PCNX2: variants seen among roughly 807,000 people sequenced by gnomAD.
The protein encoded by PCNX2 is pecanex 2.
PCNX2 carries 168 observed loss-of-function variants against 223.8 expected under a neutral mutation model. The ratio of observed to expected loss-of-function variants is 0.75; its 90% CI spans 0.66 to 0.85. The LOEUF (loss-of-function observed/expected upper bound fraction) is 0.85. Among genes scored for constraint, PCNX2 ranks in the 40% least tolerant of loss-of-function variants. The pLI, the probability that PCNX2 is intolerant of heterozygous loss-of-function variation, is 0.00. For missense variants in PCNX2, 2,507 were observed against 2,675.5 expected (o/e 0.94, Z 1.39); for synonymous variants, 1,006 against 1,052.6 (o/e 0.96, Z 0.86).
chr1:233,309,774 C>A, the PCNX2 span, among the ~76,000 whole-genome samples: 1 of 151,134 alleles, frequency 6.6e-6, no homozygotes, highest in Non-Finnish European at 1.5e-5. Flanking sequence ...GCTACTCAGG[C>A]GGCTGAGGTG....
At chr1:233,015,583 C>T (rs999932286) in intron 27 of PCNX2, among the ~76,000 whole-genome samples, 4 of 152,086 alleles carry the variant, frequency 2.6e-5, no homozygotes, top group Admixed American at 1.3e-4. Flanking sequence ...CCTCCAGCTA[C>T]CCAGGAGGCT....
At chr1:233,105,551 T>C (rs982558281) in intron 21 of PCNX2, among the ~76,000 whole-genome samples, 1 of 152,110 alleles carries the variant, frequency 6.6e-6, no homozygotes, top group Non-Finnish European at 1.5e-5. Context: ...GAGACTAAAA[T>C]ATAAGGAGAG....
At chr1:233,233,699 TC>T (rs1277825327) in intron 9 of PCNX2, among the ~76,000 whole-genome samples, 1 of 151,950 alleles carries the variant, frequency 6.6e-6, no homozygotes, top group Non-Finnish European at 1.5e-5. Context: ...CTCCCAGAGC[TC>T]GTGTGCTGCA....
At chr1:233,030,137 A>G (rs1283251773) in intron 25 of PCNX2, among the ~76,000 whole-genome samples, 2 of 152,098 alleles carry the variant, frequency 1.3e-5, no homozygotes, top group Admixed American at 6.5e-5. Context: ...TAGTCTTTTC[A>G]TTATTTGCAT....
chr1:232,986,165 C>A lies in PCNX2; in HGVS notation c.6167G>T (p.Ser2056Ile). 6.4e-7 allele frequency: 1 copy of A among 1,567,434 alleles called. No homozygotes were observed. The highest frequency in any genetic ancestry group is 2.4e-5 in the East Asian group (1 of 42,400). ...GACGCTGCTGGATGACTGGGTGTCA[C>A]TGGTATTGCCCCCCTCCGCAGCAGA... is the stretch of plus-strand genomic sequence containing the variant. ...GLSAAEGGNT[S>I]DTQSSSSVNI... The change falls in exon 33 of 34, where the codon AGT becomes ATT. Residue 2056 changes from serine to isoleucine, a missense_variant. By Grantham distance (142) the Ser-to-Ile change is moderately radical (BLOSUM62 -2). Coordinates refer to ENST00000258229, the MANE Select transcript of PCNX2 (RefSeq NM_014801.4).
intron 21 of PCNX2, among the ~76,000 whole-genome samples, chr1:233,117,934 C>T (rs1030452900): frequency 6.1e-5 from 9 of 148,358 alleles, no homozygotes; most frequent in Non-Finnish European, 1.2e-4. Flanking sequence ...GGCGTGAACC[C>T]GGGAGGCGGA....
At position 233,102,094 on chromosome 1, in the gene PCNX2, T is replaced by C. The variant is rs1298414061; in HGVS notation, c.3838-6231A>G. On this transcript the variant is annotated intron_variant, in intron 21 of 33. Coordinates refer to ENST00000258229, the MANE Select transcript of PCNX2 (RefSeq NM_014801.4). ...TGCATGAGATTCATTTTTCTTTTTT[T>C]TTTTTTTTTTTGGCTCCCATGAGTG... 8.0e-5 allele frequency among the ~76,000 whole-genome samples: 12 copies of C among 150,706 alleles called. No individual in the cohort carries two copies. In the East Asian group the frequency reaches 2.0e-3, roughly 25 times the overall value.
chr1:233,184,155 T>C (rs1679964599), intron 15 of PCNX2, among the ~76,000 whole-genome samples: 1 of 152,200 alleles, frequency 6.6e-6, no homozygotes, highest in Non-Finnish European at 1.5e-5. Context: ...ATGTAGCCCA[T>C]ACATAGGAAG....
chr1:233,032,455 A>C (rs1421184765), intron 25 of PCNX2, among the ~76,000 whole-genome samples: 4 of 152,234 alleles, frequency 2.6e-5, no homozygotes, highest in Non-Finnish European at 4.4e-5. Context: ...AAGGATTTTC[A>C]CTTGAAGAAA....
At chr1:233,268,869 T>C (rs1660485710) in intron 1 of PCNX2, among the ~76,000 whole-genome samples, 1 of 152,166 alleles carries the variant, frequency 6.6e-6, no homozygotes, top group African/African-American at 2.4e-5. Flanking sequence ...CATGTCTTTC[T>C]CATGCCCTCC....
intron 21 of PCNX2, 126 bp downstream of exon 21, chr1:233,134,887 G>A: frequency 3.8e-6 from 3 of 799,918 alleles, no homozygotes; most frequent in South Asian, 1.8e-5. Flanking sequence ...TAACATACAT[G>A]TATAATTCAA....
chr1:233,322,697 A>G, the PCNX2 span, among the ~76,000 whole-genome samples: 1 of 152,172 alleles, frequency 6.6e-6, no homozygotes, highest in Non-Finnish European at 1.5e-5. Context: ...GGCAGAGCAC[A>G]GAGTCAGCCA....
At chr1:233,008,556 C>T (rs901154061) in intron 28 of PCNX2, among the ~76,000 whole-genome samples, 2 of 152,168 alleles carry the variant, frequency 1.3e-5, no homozygotes, top group Non-Finnish European at 2.9e-5. Context: ...ACCCAGTGCA[C>T]AAGTGGGGTC....
rs1558394842 is a variant in PCNX2 at position 233,253,922 on chromosome 1, C to A, written c.1835-1134G>T. ...CAGTCACTTTTAAGATCAAAAGGACCATTGTACTCCCATGACTTACTCTGA... is the reference window on the plus strand; with the variant it reads ...CAGTCACTTTTAAGATCAAAAGGACAATTGTACTCCCATGACTTACTCTGA... On this transcript the variant is annotated intron_variant, in intron 5 of 33. Transcript: ENST00000258229. This position sits in a 1 kb window ranked among gnomAD's most constrained non-coding sequence, Gnocchi z 4.2. Among the ~76,000 whole-genome samples, 1 of 152,146 alleles carries A rather than the reference C, an allele frequency of 6.6e-6. No homozygotes were observed. The highest frequency in any genetic ancestry group is 2.4e-5 in the African/African-American group (1 of 41,436).
intron 25 of PCNX2, among the ~76,000 whole-genome samples, chr1:233,049,733 C>T (rs367676706): frequency 1.2e-4 from 19 of 152,208 alleles, no homozygotes; most frequent in Admixed American, 3.3e-4. Context: ...AAAAGCCTTC[C>T]GGAATTGATA....
chr1:233,016,783 C>G, intron 27 of PCNX2, 138 bp downstream of exon 27: 1 of 1,424,586 alleles, frequency 7.0e-7, no homozygotes, highest in Non-Finnish European at 9.2e-7. Flanking sequence ...CTTCAATAAA[C>G]ATCTGTCCAA....
chr1:233,007,463 C>T (rs1357391297), intron 28 of PCNX2, among the ~76,000 whole-genome samples: 2 of 152,194 alleles, frequency 1.3e-5, no homozygotes, highest in African/African-American at 2.4e-5. Context: ...AAACCCACAG[C>T]TGCTTCCAGG....
At chr1:233,279,589 T>C (rs1441502649) in intron 1 of PCNX2, among the ~76,000 whole-genome samples, 1 of 152,108 alleles carries the variant, frequency 6.6e-6, no homozygotes, top group African/African-American at 2.4e-5. Flanking sequence ...TAGGCTGATA[T>C]TTATAATTTT....
intron 21 of PCNX2, among the ~76,000 whole-genome samples, chr1:233,121,624 G>A (rs1394695794): frequency 6.6e-6 from 1 of 152,090 alleles, no homozygotes; most frequent in Non-Finnish European, 1.5e-5. Context: ...GATACTAACG[G>A]GTGACTGTAC....
Sources: gnomAD v4.1 joint callset for allele counts (sites outside exome capture counted in the v4.1 genomes callset) on GRCh38, gnomAD v4.1.1 for gene constraint, Gnocchi (gnomAD v3.1) non-coding constraint, MANE v1.5 for transcripts, NCBI Gene and HGNC (gene_info 2026-07-23, HGNC 2026-07-21) for gene names.